The following C1orf21 variants were observed in gnomAD, a reference collection of about 807,000 sequenced individuals.
The protein encoded by C1orf21 is uncharacterized protein C1orf21.
A neutral mutation model predicts 18.7 loss-of-function variants in C1orf21; 3 were observed. That is an observed-to-expected ratio of 0.16 (90% CI 0.07 to 0.42). The LOEUF (loss-of-function observed/expected upper bound fraction) is 0.42. C1orf21 is among the 10% of genes least tolerant of loss of function. The pLI is 0.99. For synonymous variants in C1orf21, 41 were observed against 46.4 expected (o/e 0.88, Z 0.47); for missense variants, 104 against 143.6 (o/e 0.72, Z 1.41).
chr1:184,477,425 T>C lies in C1orf21; in HGVS notation c.-85T>C, dbSNP rs1469504861. The C allele has an allele frequency of 3.6e-6, 4 of 1,125,620 alleles. No homozygotes were observed. Among genetic ancestry groups the C allele is most frequent in the Non-Finnish European group, 5.2e-6 (4 of 773,734 alleles). The allele number at this position is 1,125,620 out of a possible 1,614,324, so 69.7% of individuals were successfully genotyped here. ...ACCAACTCAGCAGCAAGGTGGATTT[T>C]CTTTGTGTTTAAAGAAAAAAAATGT... On this transcript the variant is annotated 5_prime_UTR_variant, in exon 2 of 6. Transcript: ENST00000235307.
At chr1:184,537,409 T>G (rs879632228) in intron 3 of C1orf21, among the ~76,000 whole-genome samples, 6 of 152,234 alleles carry the variant, frequency 3.9e-5, no homozygotes, top group Admixed American at 1.3e-4. Flanking sequence ...TGAGAATGGC[T>G]TGTTTCACTT....
chr1:184,598,169 A>C (rs1367802238), intron 4 of C1orf21, among the ~76,000 whole-genome samples: 1 of 152,072 alleles, frequency 6.6e-6, no homozygotes, highest in Non-Finnish European at 1.5e-5. Context: ...GCATCTGTAC[A>C]TTGAAAGGAA....
intron 3 of C1orf21, among the ~76,000 whole-genome samples, chr1:184,549,490 C>G (rs1571410289): frequency 1.3e-5 from 2 of 151,990 alleles, no homozygotes; most frequent in South Asian, 4.2e-4. Flanking sequence ...CATACACTAA[C>G]ATTTTTACCT....
intron 5 of C1orf21, among the ~76,000 whole-genome samples, chr1:184,602,813 G>C (rs1437547984): frequency 6.6e-6 from 1 of 152,126 alleles, no homozygotes; most frequent in Non-Finnish European, 1.5e-5. Flanking sequence ...TCTTCTACAG[G>C]CAAAACAGGG....
At chr1:184,424,783 A>C (rs1557968845) in intron 1 of C1orf21, among the ~76,000 whole-genome samples, 1 of 152,172 alleles carries the variant, frequency 6.6e-6, no homozygotes, top group South Asian at 2.1e-4. Context: ...CTGGAAATCA[A>C]ATGCAGGGCT....
intron 1 of C1orf21, among the ~76,000 whole-genome samples, chr1:184,425,798 A>G (rs1656628167): frequency 2.0e-5 from 3 of 152,238 alleles, no homozygotes; most frequent in Non-Finnish European, 4.4e-5. Flanking sequence ...ACCAGTAGAC[A>G]TTCACACAGC....
intron 3 of C1orf21, among the ~76,000 whole-genome samples, chr1:184,571,640 T>C (rs1199018851): frequency 6.6e-6 from 1 of 152,166 alleles, no homozygotes; most frequent in Non-Finnish European, 1.5e-5. Context: ...AGCTGCTGTT[T>C]ATCATCTATG....
Position 184,417,018 on chromosome 1 carries a change from A to G in C1orf21, c.-125+29650A>G, listed in dbSNP as rs527532866. Among the ~76,000 whole-genome samples the G allele has an allele frequency of 2.0e-5, 3 of 152,312 alleles. No homozygotes were observed. In the East Asian group the frequency reaches 5.8e-4, roughly 29 times the overall value. ...GGCCAGTTTAGTGACAAGGACCTGA[A>G]TGGGTATTGCCTATGATTCCTTCAA... On this transcript the variant is annotated intron_variant, in intron 1 of 5. Coordinates refer to ENST00000235307, the MANE Select transcript of C1orf21 (RefSeq NM_030806.4).
At chr1:184,554,332 CA>C (rs1436653483) in intron 3 of C1orf21, among the ~76,000 whole-genome samples, 2 of 152,158 alleles carry the variant, frequency 1.3e-5, no homozygotes, top group Non-Finnish European at 2.9e-5. Flanking sequence ...AGGTCTCAGG[CA>C]TTCCCCTGTG....
intron 1 of C1orf21, among the ~76,000 whole-genome samples, chr1:184,454,135 C>G (rs1571365637): frequency 6.6e-6 from 1 of 152,156 alleles, no homozygotes; most frequent in Non-Finnish European, 1.5e-5. Context: ...ATGTTTAAAA[C>G]TTAATCCTTA....
chr1:184,472,335 G>T (rs1055731712), intron 1 of C1orf21, among the ~76,000 whole-genome samples: 1 of 151,992 alleles, frequency 6.6e-6, no homozygotes, highest in Non-Finnish European at 1.5e-5. Flanking sequence ...CTGTGTGCCC[G>T]TTGCAATCAG....
chr1:184,603,876 A>T (rs1436934899), intron 5 of C1orf21, among the ~76,000 whole-genome samples: 2 of 152,252 alleles, frequency 1.3e-5, no homozygotes, highest in Non-Finnish European at 2.9e-5. Context: ...TTACACTTAC[A>T]AAATGTTGGA....
intron 2 of C1orf21, among the ~76,000 whole-genome samples, chr1:184,488,014 C>G (rs1313556110): frequency 6.6e-6 from 1 of 152,160 alleles, no homozygotes; most frequent in Non-Finnish European, 1.5e-5. Flanking sequence ...AAAATGGTTG[C>G]TTGGTTTCCT....
chr1:184,565,389 A>G (rs1362474769), intron 3 of C1orf21, among the ~76,000 whole-genome samples: 3 of 152,238 alleles, frequency 2.0e-5, no homozygotes, highest in East Asian at 1.9e-4. Flanking sequence ...TAAGGCTCTA[A>G]GAGTTTAAGT....
intron 1 of C1orf21, among the ~76,000 whole-genome samples, chr1:184,403,423 T>C (rs928556369): frequency 5.9e-5 from 9 of 152,216 alleles, no homozygotes; most frequent in African/African-American, 2.2e-4. Context: ...ATGGGAAGAC[T>C]GCTAAGAAAA....
intron 3 of C1orf21, among the ~76,000 whole-genome samples, chr1:184,523,095 G>A (rs1229803110): frequency 6.6e-6 from 1 of 152,220 alleles, no homozygotes; most frequent in Admixed American, 6.5e-5. Context: ...TCTGTGCAGA[G>A]TAATTTCATA....
intron 1 of C1orf21, among the ~76,000 whole-genome samples, chr1:184,423,199 C>G (rs1433930963): frequency 6.6e-6 from 1 of 152,200 alleles, no homozygotes; most frequent in Non-Finnish European, 1.5e-5. Flanking sequence ...GTCAGGTACT[C>G]TGCTACTTGT....
intron 3 of C1orf21, among the ~76,000 whole-genome samples, chr1:184,556,698 T>A (rs1422787537): frequency 6.6e-6 from 1 of 152,178 alleles, no homozygotes; most frequent in African/African-American, 2.4e-5. Context: ...AGAATCAGAC[T>A]TCTAAAGAGT....
intron 2 of C1orf21, among the ~76,000 whole-genome samples, chr1:184,490,367 G>T (rs766890593): frequency 3.9e-5 from 6 of 152,216 alleles, no homozygotes; most frequent in Non-Finnish European, 7.3e-5. Flanking sequence ...AGGAGTGGGG[G>T]AAGACTTGTA....
Sources: gnomAD v4.1 joint callset for allele counts (sites outside exome capture counted in the v4.1 genomes callset) on GRCh38, gnomAD v4.1.1 for gene constraint, MANE v1.5 for transcripts, NCBI Gene and HGNC (gene_info 2026-07-23, HGNC 2026-07-21) for gene names.